Variants in NDST1 observed in about 807,000 individuals in gnomAD.
The protein encoded by NDST1 is bifunctional heparan sulfate N-deacetylase/N-sulfotransferase 1.
Under a neutral mutation model 92.8 loss-of-function variants are expected in NDST1, and 35 were observed. The observed-to-expected ratio is 0.38, with a 90% CI of 0.29 to 0.50. NDST1 has a LOEUF of 0.50. Ranked by LOEUF, NDST1 falls within the 20% of genes least tolerant of loss-of-function variation. The pLI is 0.94. For synonymous variants in NDST1, 493 were observed against 500.3 expected (o/e 0.99, Z 0.19); for missense variants, 822 against 1,182.7 (o/e 0.69, Z 4.47).
chr5:150,548,460 A>C (rs1312578683), intron 12 of NDST1, 72 bp downstream of exon 12: 1 of 1,534,570 alleles, frequency 6.5e-7, no homozygotes, highest in African/African-American at 1.4e-5. Context: ...AGAGCCTCCA[A>C]CTCTTTCTCA....
chr5:150,548,571 C>G (rs1037976177), intron 12 of NDST1, among the ~76,000 whole-genome samples, 183 bp downstream of exon 12: 2 of 152,146 alleles, frequency 1.3e-5, no homozygotes, highest in Non-Finnish European at 2.9e-5. Flanking sequence ...GGGTCTCACT[C>G]TGTTGCCCAG....
chr5:150,551,757 G>T lies in NDST1; in HGVS notation c.2431G>T (p.Asp811Tyr). Residue 811 changes from aspartate (D) to tyrosine (Y), a missense_variant, in exon 14 of 15, where the codon GAT (aspartate) becomes TAT (tyrosine). Coordinates refer to ENST00000261797, the MANE Select transcript of NDST1 (RefSeq NM_001543.5). ...AAGACTTTCCCACCTCCACAGGTTT[G>T]ATCCAAAGAAAGGATTTTGGTGCCA... ...TIDYHKTLAF[D>Y]PKKGFWCQLL... 1.2e-6 allele frequency: 2 copies of T among 1,612,846 alleles called. No homozygotes were observed. Among genetic ancestry groups the T allele is most frequent in the South Asian group, 2.2e-5 (2 of 91,002 alleles).
chr5:150,543,074 AC>A, intron 10 of NDST1, 103 bp downstream of exon 10: 1 of 1,459,390 alleles, frequency 6.9e-7, no homozygotes, highest in Non-Finnish European at 9.6e-7. Context: ...TTGCTCACAC[AC>A]AGCTGTCATT....
At chr5:150,551,688 TG>T in intron 13 of NDST1, 64 bp from the exon 14 acceptor site, 3 of 1,585,838 alleles carry the variant, frequency 1.9e-6, no homozygotes, top group Non-Finnish European at 2.6e-6. Flanking sequence ...TCCATGAACA[TG>T]GCTTTAAGGT....
chr5:150,531,500 CTTTTT>C (rs35747232), intron 3 of NDST1, among the ~76,000 whole-genome samples: 1 of 131,146 alleles, frequency 7.6e-6, no homozygotes, highest in Non-Finnish European at 1.6e-5. Context: ...CTTTTTCTCT[CTTTTT>C]TTTTTTTTTT....
Position 150,553,923 on chromosome 5 carries a change from A to C in NDST1, c.*591A>C. On this transcript the variant is annotated 3_prime_UTR_variant, in exon 15 of 15. Coordinates refer to ENST00000261797, the MANE Select transcript of NDST1 (RefSeq NM_001543.5). This position sits in a 1 kb window ranked among gnomAD's most constrained non-coding sequence, Gnocchi z 4.2. The stretch of plus-strand genomic sequence containing the variant: ...ACATCTCACCCTCCCGTTCTGGGGA[A>C]GAATTTCTGGTTCCTACAGTATCCA... The C allele has an allele frequency of 2.4e-6, 1 of 418,418 alleles. No individual in the cohort carries two copies. The highest frequency in any genetic ancestry group is 3.3e-5 in the East Asian group (1 of 29,904). The allele number at this position is 418,418 out of a possible 1,614,324, so 25.9% of individuals were successfully genotyped here. A position where few individuals can be genotyped will look rare whatever the true frequency, so the allele number is the denominator to read the frequency against.
At chr5:150,550,106 T>A (rs1454803440) in intron 13 of NDST1, among the ~76,000 whole-genome samples, 2 of 63,964 alleles carry the variant, frequency 3.1e-5, no homozygotes, top group East Asian at 1.7e-3. Flanking sequence ...TAGCATTAGC[T>A]TTTTTTTTTT....
intron 2 of NDST1, among the ~76,000 whole-genome samples, chr5:150,524,550 A>T (rs1754384736): frequency 6.6e-6 from 1 of 152,252 alleles, no homozygotes; most frequent in Non-Finnish European, 1.5e-5. Context: ...TGTCCCAGTC[A>T]CTGAGCTCGG....
rs1754233222 is a variant in NDST1, at chr5:150,521,391, A to G, written c.137A>G (p.Glu46Gly). 6.2e-7 allele frequency: 1 copy of G among 1,613,366 alleles called. No homozygotes were observed. ...CTATATGGCTGGAAGCGAGGCCTGGAGCCCTCGGCGGATGCCCCCGAGCCT... is the reference window on the plus strand; with the variant it reads ...CTATATGGCTGGAAGCGAGGCCTGGGGCCCTCGGCGGATGCCCCCGAGCCT... Reference protein sequence around the residue: ...YYLYGWKRGLEPSADAPEPDC... With the variant: ...YYLYGWKRGLGPSADAPEPDC... Residue 46 changes from glutamate (E) to glycine (G), a missense_variant, in exon 2 of 15, where the codon GAG becomes GGG. Glu to Gly is a moderately conservative substitution (Grantham distance 98). Coordinates refer to ENST00000261797, the MANE Select transcript of NDST1 (RefSeq NM_001543.5). The surrounding 1 kb of genome is among the most constrained non-coding windows in gnomAD (Gnocchi z 5.9).
At chr5:150,523,530 G>A (rs550650323) in intron 2 of NDST1, among the ~76,000 whole-genome samples, 1 of 152,342 alleles carries the variant, frequency 6.6e-6, no homozygotes, top group South Asian at 2.1e-4. Flanking sequence ...CCAAGCCTAC[G>A]CCTCTGATGA....
chr5:150,508,885 TA>T (rs893584094), intron 1 of NDST1, among the ~76,000 whole-genome samples: 28 of 152,280 alleles, frequency 1.8e-4, no homozygotes, highest in African/African-American at 6.7e-4. Flanking sequence ...CTCTAGTCCA[TA>T]CCCCTCACTG....
chr5:150,553,729 C>A lies in NDST1; in HGVS notation c.*397C>A, dbSNP rs567571569. The stretch of plus-strand genomic sequence containing the variant: ...TTCGCTGCCATATGTCCCTGTCCTC[C>A]AGGCTGTAGGGGAGGAGAGCCTGGC... On this transcript the variant is annotated 3_prime_UTR_variant, in exon 15 of 15. Coordinates refer to ENST00000261797, the MANE Select transcript of NDST1 (RefSeq NM_001543.5). This position sits in a 1 kb window ranked among gnomAD's most constrained non-coding sequence, Gnocchi z 4.2. 2 of 417,370 alleles carry A rather than the reference C, an allele frequency of 4.8e-6. No individual in the cohort carries two copies. Among genetic ancestry groups the A allele is most frequent in the African/African-American group, 4.0e-5 (2 of 49,736 alleles). 25.9% of individuals were successfully genotyped at this position (417,370 alleles called of 1,614,324 possible).
chr5:150,549,200 C>T (rs1204757390), intron 12 of NDST1, among the ~76,000 whole-genome samples: 3 of 151,786 alleles, frequency 2.0e-5, no homozygotes, highest in East Asian at 2.0e-4. Context: ...TTAGTAGAGA[C>T]GGGATTTCAC....
chr5:150,533,759 CTG>C (rs1378651505), intron 4 of NDST1, among the ~76,000 whole-genome samples: 1 of 152,106 alleles, frequency 6.6e-6, no homozygotes, highest in African/African-American at 2.4e-5. Context: ...GGTTGTCTGT[CTG>C]TATTTTTTAT....
chr5:150,533,125 GT>G, intron 4 of NDST1, 93 bp downstream of exon 4: 1 of 1,270,294 alleles, frequency 7.9e-7, no homozygotes, highest in Non-Finnish European at 1.2e-6. Flanking sequence ...CAGCGGGTGG[GT>G]TTACTGGCCC....
chr5:150,515,332 TC>T (rs1753908839), intron 1 of NDST1, among the ~76,000 whole-genome samples: 1 of 152,210 alleles, frequency 6.6e-6, no homozygotes, highest in Admixed American at 6.5e-5. Context: ...ATATAAAATC[TC>T]CTGATTTAAA....
chr5:150,537,725 C>T (rs771392304), intron 6 of NDST1, among the ~76,000 whole-genome samples: 2 of 152,226 alleles, frequency 1.3e-5, no homozygotes, highest in Admixed American at 6.5e-5. Flanking sequence ...CTGTGACCCA[C>T]ACCCTATTCG....
At chr5:150,543,634 G>A (rs1755345584) in intron 10 of NDST1, among the ~76,000 whole-genome samples, 1 of 152,142 alleles carries the variant, frequency 6.6e-6, no homozygotes, top group South Asian at 2.1e-4. Context: ...GTTCGAGGTG[G>A]GTACACCTCA....
chr5:150,526,674 TGG>T (rs1754491078), intron 2 of NDST1, among the ~76,000 whole-genome samples: 1 of 152,160 alleles, frequency 6.6e-6, no homozygotes, highest in Admixed American at 6.5e-5. Flanking sequence ...GGCTTTAACA[TGG>T]TCTCAGGGAG....
Sources: gnomAD v4.1 joint callset for allele counts (sites outside exome capture counted in the v4.1 genomes callset) on GRCh38, gnomAD v4.1.1 for gene constraint, Gnocchi (gnomAD v3.1) non-coding constraint, MANE v1.5 for transcripts, NCBI Gene and HGNC (gene_info 2026-07-23, HGNC 2026-07-21) for gene names.